GABRA3: variants seen among roughly 807,000 people sequenced by gnomAD.
GABRA3 encodes the protein gamma-aminobutyric acid type A receptor subunit alpha3.
GABRA3 carries 10 observed loss-of-function variants against 30.1 expected under a neutral mutation model. The ratio of observed to expected loss-of-function variants is 0.33; its 90% confidence interval spans 0.20 to 0.56. The LOEUF is 0.56. Among genes scored for constraint, GABRA3 ranks in the 20% least tolerant of loss-of-function variants. The probability of loss-of-function intolerance (pLI) is 0.89; values close to 1 mark genes in which losing one functional copy is unlikely to be tolerated. For missense variants in GABRA3, 233 were observed against 392.0 expected (o/e 0.59, Z 3.42); for synonymous variants, 151 against 146.8 (o/e 1.03, Z -0.21).
intron 6 of GABRA3, among the ~76,000 whole-genome samples, chrX:152,222,587 A>T (rs754787177): frequency 4.6e-5 from 5 of 109,753 alleles, no homozygotes; most frequent in Non-Finnish European, 7.6e-5. Flanking sequence ...ACTTGGTTTT[A>T]GGTCTCATGG....
At chrX:152,252,935 T>C (rs1938581523) in intron 5 of GABRA3, among the ~76,000 whole-genome samples, 1 of 111,949 alleles carries the variant, frequency 8.9e-6, no homozygotes, top group Non-Finnish European at 1.9e-5. Flanking sequence ...CACATACTAT[T>C]TACACTCACA....
intron 9 of GABRA3, among the ~76,000 whole-genome samples, chrX:152,179,423 C>T (rs1937115832): frequency 9.1e-6 from 1 of 110,168 alleles, no homozygotes; most frequent in South Asian, 3.9e-4. Context: ...ATTTTGTATT[C>T]TTTGACCAAC....
intron 4 of GABRA3, among the ~76,000 whole-genome samples, chrX:152,259,708 T>C (rs1166157009): frequency 9.0e-6 from 1 of 110,901 alleles, no homozygotes; most frequent in Admixed American, 9.6e-5. Context: ...TAAAGTGCCC[T>C]TGGGCCCTGA....
intron 3 of GABRA3, among the ~76,000 whole-genome samples, chrX:152,321,660 A>C (rs1939965874): frequency 8.9e-6 from 1 of 111,841 alleles, no homozygotes; most frequent in Non-Finnish European, 1.9e-5. Context: ...TAGTAACAAA[A>C]GACTGCAGTC....
In GABRA3 at chrX:152,400,671, T is replaced by C. The variant is rs187880861; in HGVS notation, c.-26-36075A>G. ...GCATATGGAATAGTTGATAATCAAC[T>C]GACTTTAAAATAGATATAGTATCCT... On this transcript the variant is annotated intron_variant, in intron 1 of 9. Coordinates refer to ENST00000370314, the MANE Select transcript of GABRA3 (RefSeq NM_000808.4). Among the ~76,000 whole-genome samples the C allele has an allele frequency of 4.5e-5, 5 of 111,785 alleles. No individual in the cohort carries two copies. In the Admixed American group the frequency reaches 4.8e-4, roughly 11 times the overall value.
intron 2 of GABRA3, among the ~76,000 whole-genome samples, chrX:152,355,856 G>C (rs1416685733): frequency 3.6e-5 from 4 of 111,640 alleles, no homozygotes; most frequent in African/African-American, 1.3e-4. Context: ...CAGGAACCAG[G>C]AGTATAGGAA....
intron 2 of GABRA3, among the ~76,000 whole-genome samples, chrX:152,355,537 G>A (rs1940537244): frequency 9.0e-6 from 1 of 111,259 alleles, no homozygotes; most frequent in Non-Finnish European, 1.9e-5. Context: ...TATGTGTGCT[G>A]TTCACCTTAG....
intron 9 of GABRA3, among the ~76,000 whole-genome samples, chrX:152,178,698 T>C (rs779177102): frequency 8.9e-6 from 1 of 111,814 alleles, no homozygotes; most frequent in South Asian, 3.7e-4. Flanking sequence ...TTAAATTTGC[T>C]TTTATTATTT....
chrX:152,203,761 T>C (rs769561639), intron 7 of GABRA3, among the ~76,000 whole-genome samples: 2 of 111,963 alleles, frequency 1.8e-5, no homozygotes, highest in Non-Finnish European at 3.8e-5. Context: ...CTACTCATTT[T>C]CTTTTTGACT....
chrX:152,401,973 G>A (rs910109129), intron 1 of GABRA3, among the ~76,000 whole-genome samples: 1 of 111,710 alleles, frequency 9.0e-6, no homozygotes, highest in African/African-American at 3.3e-5. Context: ...AATCCTCTCT[G>A]CTTCCTCCTT....
intron 1 of GABRA3, among the ~76,000 whole-genome samples, chrX:152,398,872 G>A (rs2205551): frequency 8.9e-6 from 1 of 112,050 alleles, no homozygotes; most frequent in Non-Finnish European, 1.9e-5. Flanking sequence ...AAGGAACACA[G>A]AAAAGAAGCA....
At chrX:152,297,534 T>G (rs922320491) in intron 3 of GABRA3, among the ~76,000 whole-genome samples, 1 of 112,399 alleles carries the variant, frequency 8.9e-6, no homozygotes, top group African/African-American at 3.2e-5. Flanking sequence ...TTATTATTGG[T>G]TACTTATACT....
rs767033372 is a variant in GABRA3 at position 152,410,975 on chromosome X, T to C, written c.-27+40171A>G. 4.5e-5 allele frequency among the ~76,000 whole-genome samples: 5 copies of C among 111,434 alleles called. No homozygotes were observed. In the South Asian group the frequency reaches 1.5e-3, roughly 34 times the overall value. The stretch of plus-strand genomic sequence containing the variant: ...ACTAGAGGAAACCAGGCGAAAAATG[T>C]CTCACCAAACAGAAATTATCAATAA... On this transcript the variant is annotated intron_variant, in intron 1 of 9. Coordinates refer to ENST00000370314, the MANE Select transcript of GABRA3 (RefSeq NM_000808.4).
chrX:152,307,536 G>A (rs1031591339), intron 3 of GABRA3, among the ~76,000 whole-genome samples: 2 of 111,712 alleles, frequency 1.8e-5, no homozygotes, highest in African/African-American at 6.5e-5. Context: ...CCAATATGAT[G>A]TAGGGAGAAG....
chrX:152,289,823 A>T (rs755044035), intron 3 of GABRA3, among the ~76,000 whole-genome samples: 5 of 111,262 alleles, frequency 4.5e-5, no homozygotes, highest in Non-Finnish European at 9.4e-5. Flanking sequence ...AGCTGCATCC[A>T]TGTCCCTGCA....
chrX:152,169,667 C>T (rs1213413967), intron 9 of GABRA3, among the ~76,000 whole-genome samples: 1 of 111,732 alleles, frequency 8.9e-6, no homozygotes, highest in Non-Finnish European at 1.9e-5. Flanking sequence ...TGGTTTGTTG[C>T]CTCATTCCTC....
intron 5 of GABRA3, among the ~76,000 whole-genome samples, chrX:152,235,290 T>C (rs892884465): frequency 3.6e-5 from 4 of 111,900 alleles, no homozygotes; most frequent in Non-Finnish European, 7.5e-5. Flanking sequence ...GAAATGCTAT[T>C]GATTTTTATA....
intron 5 of GABRA3, among the ~76,000 whole-genome samples, chrX:152,235,929 A>C (rs1938195163): frequency 9.1e-6 from 1 of 109,405 alleles, no homozygotes; most frequent in African/African-American, 3.3e-5. Flanking sequence ...ACAAATCAAA[A>C]AGAACAAAGC....
At chrX:152,398,815 T>C (rs1397582432) in intron 1 of GABRA3, among the ~76,000 whole-genome samples, 2 of 111,217 alleles carry the variant, frequency 1.8e-5, no homozygotes, top group South Asian at 3.8e-4. Context: ...CAGAATACCA[T>C]AGTACACAAG....
Sources: allele counts gnomAD v4.1 joint callset (sites outside exome capture counted in the v4.1 genomes callset), GRCh38; gene constraint gnomAD v4.1.1; transcripts MANE v1.5; gene names NCBI Gene and HGNC (gene_info 2026-07-23, HGNC 2026-07-21).